ABCB5: variants seen among roughly 807,000 people sequenced by gnomAD.
ABCB5 encodes the protein ATP-binding cassette sub-family B member 5.
ABCB5 carries 155 observed loss-of-function variants against 144.2 expected under a neutral mutation model. That is an observed-to-expected ratio of 1.08 (90% CI 0.94 to 1.23). The LOEUF (loss-of-function observed/expected upper bound fraction) is 1.23, where lower values mean the gene tolerates loss of function less well. ABCB5 is among the 50% of genes most tolerant of loss of function. ABCB5 has a pLI of 0.00. For missense variants in ABCB5, 1,830 were observed against 1,520.8 expected (o/e 1.20, Z -3.38); for synonymous variants, 610 against 528.6 (o/e 1.15, Z -2.11).
chr7:20,629,145 C>CGTGTGTGTGTGT (rs149986314), intron 4 of ABCB5, among the ~76,000 whole-genome samples: 9,942 of 135,072 alleles, frequency 0.074, 529 homozygotes, highest in Middle Eastern at 0.092. Flanking sequence ...AGAGAGACTG[C>CGTGTGTGTGTGT]GTGTGTGTGT....
At chr7:20,747,510 C>T (rs1053271204) in intron 26 of ABCB5, among the ~76,000 whole-genome samples, 9 of 152,150 alleles carry the variant, frequency 5.9e-5, no homozygotes, top group Non-Finnish European at 1.2e-4. Flanking sequence ...TCACCCACCT[C>T]GGTCTCCCAA....
chr7:20,688,369 T>C (rs1011574581), intron 16 of ABCB5, among the ~76,000 whole-genome samples: 1 of 151,998 alleles, frequency 6.6e-6, no homozygotes, highest in African/African-American at 2.4e-5. Context: ...AATGAATCAT[T>C]AAGAGGGGAT....
rs1295139750 is a variant in ABCB5 at position 20,704,812 on chromosome 7, G to A, written c.2421+5G>A. 1 of 1,607,314 alleles carries A rather than the reference G, an allele frequency of 6.2e-7. No individual in the cohort carries two copies. The highest frequency in any genetic ancestry group is 1.7e-4 in the Middle Eastern group (1 of 6,014). On this transcript the variant is annotated splice_donor_5th_base_variant and intron_variant, in intron 20 of 27. Transcript: ENST00000404938. ...GATATAGCACAAATTCAAGGAGTAT[G>A]TATATTGTTTTTATTGTAAATGATG...
intron 19 of ABCB5, among the ~76,000 whole-genome samples, chr7:20,702,898 G>C (rs1406991662): frequency 1.4e-5 from 2 of 143,576 alleles, no homozygotes; most frequent in Non-Finnish European, 3.0e-5. Flanking sequence ...AGATGGTCTC[G>C]ATCTCCTGAC....
At chr7:20,748,139 G>T (rs74599404) in intron 26 of ABCB5, among the ~76,000 whole-genome samples, 1 of 152,190 alleles carries the variant, frequency 6.6e-6, no homozygotes, top group African/African-American at 2.4e-5. Context: ...GACGGAAAGG[G>T]TTCGTAACCA....
At chr7:20,718,809 C>T (rs1015529784) in intron 20 of ABCB5, among the ~76,000 whole-genome samples, 4 of 152,074 alleles carry the variant, frequency 2.6e-5, no homozygotes, top group Admixed American at 1.3e-4. Flanking sequence ...CTCAAATTAT[C>T]CCAGATTCAG....
intron 1 of ABCB5, among the ~76,000 whole-genome samples, chr7:20,620,013 C>T (rs1449913960): frequency 1.3e-5 from 2 of 152,112 alleles, no homozygotes; most frequent in South Asian, 2.1e-4. Flanking sequence ...GTCCTGAATT[C>T]TGTTCCATTG....
chr7:20,651,822 C>A (rs915469372), intron 13 of ABCB5, 199 bp downstream of exon 13: 20 of 564,140 alleles, frequency 3.5e-5, no homozygotes, highest in Non-Finnish European at 5.0e-5. Flanking sequence ...ACTTTCTTAA[C>A]ACATTATGAG....
chr7:20,623,774 C>T (rs1465669134), intron 2 of ABCB5, among the ~76,000 whole-genome samples: 1 of 152,166 alleles, frequency 6.6e-6, no homozygotes, highest in African/African-American at 2.4e-5. Context: ...CAAGTTTCTA[C>T]ACGTGGAATT....
chr7:20,643,321 A>C lies in ABCB5; in HGVS notation c.452A>C (p.Asp151Ala). ...TTTTTTCATTCAGTTTTGGCACAGG[A>C]CATCGGCTGGTTTGATAGCTGTGAC... Reference protein sequence around the residue: ...KQFFHSVLAQDIGWFDSCDIG... With the variant: ...KQFFHSVLAQAIGWFDSCDIG... Residue 151 changes from aspartate to alanine, a missense_variant, in exon 6 of 28, where the codon GAC becomes GCC. By Grantham distance (126) the Asp-to-Ala change is moderately radical. Transcript: ENST00000404938. 1 of 1,614,006 alleles carries C rather than the reference A, an allele frequency of 6.2e-7. No individual in the cohort carries two copies. The highest frequency in any genetic ancestry group is 8.5e-7 in the Non-Finnish European group (1 of 1,179,888).
At chr7:20,721,755 A>G (rs896659703) in intron 20 of ABCB5, among the ~76,000 whole-genome samples, 5 of 152,234 alleles carry the variant, frequency 3.3e-5, no homozygotes, top group Admixed American at 3.3e-4. Context: ...AGGTTCCATA[A>G]TGCAAATTTT....
rs1783086234 is a variant in ABCB5 at position 20,756,325 on chromosome 7, T to TAAGTAAGTAA, written c.*701_*702insAAGTAAGTAA. ...TATAAGTCACAGGCCTACCTGTTTA[T>TAAGTAAGTAA]GAAAACTTACTTACTTAAAATAAGA... On this transcript the variant is annotated 3_prime_UTR_variant, in exon 28 of 28. Coordinates refer to ENST00000404938, the MANE Select transcript of ABCB5 (RefSeq NM_001163941.2). 8 of 152,436 alleles carry TAAGTAAGTAA rather than the reference T, an allele frequency of 5.2e-5. No individual in the cohort carries two copies. In the South Asian group the frequency reaches 1.7e-3, roughly 32 times the overall value. 9.4% of individuals were successfully genotyped at this position (152,436 alleles called of 1,614,324 possible).
intron 13 of ABCB5, among the ~76,000 whole-genome samples, chr7:20,656,014 C>G (rs957325649): frequency 3.9e-5 from 6 of 152,104 alleles, no homozygotes; most frequent in African/African-American, 1.4e-4. Flanking sequence ...TAATTTTTGA[C>G]AAGGCGAATG....
intron 21 of ABCB5, among the ~76,000 whole-genome samples, chr7:20,724,357 G>T (rs780687149): frequency 6.6e-6 from 1 of 151,986 alleles, no homozygotes; most frequent in Non-Finnish European, 1.5e-5. Context: ...TCTTTAAGAT[G>T]TTCCTCACAC....
At chr7:20,690,652 A>G (rs1057489300) in intron 16 of ABCB5, among the ~76,000 whole-genome samples, 1 of 152,202 alleles carries the variant, frequency 6.6e-6, no homozygotes, top group Non-Finnish European at 1.5e-5. Flanking sequence ...TGGAGGCTGA[A>G]TAATGAACTT....
chr7:20,651,112 A>C (rs1183066162), intron 12 of ABCB5, among the ~76,000 whole-genome samples: 1 of 152,212 alleles, frequency 6.6e-6, no homozygotes, highest in Non-Finnish European at 1.5e-5. Flanking sequence ...GTATGTGTCT[A>C]CATAATAACA....
intron 9 of ABCB5, among the ~76,000 whole-genome samples, chr7:20,647,042 G>A (rs540705800): frequency 1.4e-4 from 22 of 152,284 alleles, no homozygotes; most frequent in African/African-American, 5.1e-4. Flanking sequence ...GCAGAGATGA[G>A]TCTGTCTTAA....
chr7:20,670,431 A>G (rs904866220), intron 14 of ABCB5, among the ~76,000 whole-genome samples: 1 of 152,148 alleles, frequency 6.6e-6, no homozygotes, highest in Non-Finnish European at 1.5e-5. Context: ...CATGGAGCAC[A>G]TGTCACCGAT....
intron 14 of ABCB5, chr7:20,658,982 C>T: frequency 1.4e-6 from 2 of 1,477,450 alleles, no homozygotes; most frequent in South Asian, 2.3e-5. Flanking sequence ...CCACCACTAT[C>T]ATCACTATTA....
Sources: allele counts gnomAD v4.1 joint callset (sites outside exome capture counted in the v4.1 genomes callset), GRCh38; gene constraint gnomAD v4.1.1; transcripts MANE v1.5; gene names NCBI Gene and HGNC (gene_info 2026-07-23, HGNC 2026-07-21).